Variants in MED27 observed in about 807,000 individuals in gnomAD.
MED27 encodes the protein mediator of RNA polymerase II transcription subunit 27.
Under a neutral mutation model 38.2 loss-of-function variants are expected in MED27, and 30 were observed. That is an observed-to-expected ratio of 0.79 (90% confidence interval 0.59 to 1.07). The LOEUF (loss-of-function observed/expected upper bound fraction) is 1.07. MED27 is among the 50% of genes least tolerant of loss of function. MED27 has a pLI of 0.00. For missense variants in MED27, 289 were observed against 397.5 expected, an observed-to-expected ratio of 0.73 and a Z score of 2.32; for synonymous variants, 122 against 153.5, an observed-to-expected ratio of 0.79 and a Z score of 1.52.
intron 2 of MED27, among the ~76,000 whole-genome samples, chr9:132,068,392 C>T (rs10120330): frequency 0.031 from 4,766 of 152,168 alleles, 246 homozygotes; most frequent in African/African-American, 0.11. Flanking sequence ...GAGGAAATCA[C>T]CGAAGAGTGA....
In MED27 at chr9:131,998,322, C is replaced by T. The variant is rs1490146638; in HGVS notation, c.479+16015G>A. On this transcript the variant is annotated intron_variant, in intron 3 of 7. Transcript: ENST00000292035. ...TCCTCCTCCATTGGTCACTTCCTAT[C>T]CTCCAAGAAGGGAAGACAGTGGTAG... Among the ~76,000 whole-genome samples, 5 of 150,842 alleles carry T rather than the reference C, an allele frequency of 3.3e-5. 1 individual carries two copies. The South Asian group carries it at 1.1e-3, about 32-fold the overall frequency.
At position 132,051,396 on chromosome 9, in the gene MED27, G is replaced by C. The variant is rs1167212421; in HGVS notation, c.348+26046C>G. The stretch of plus-strand genomic sequence containing the variant: ...CTACGTTGGGGAAAAAAGAGGGCTT[G>C]TCTTGGCCACAGAGTCCAAGGCTCC... On this transcript the variant is annotated intron_variant, in intron 2 of 7. Transcript: ENST00000292035. This position sits in a 1 kb window ranked among gnomAD's most constrained non-coding sequence, Gnocchi z 4.2. Among the ~76,000 whole-genome samples the C allele has an allele frequency of 1.3e-5, 2 of 152,180 alleles. No individual in the cohort carries two copies. The highest frequency in any genetic ancestry group is 4.1e-4 in the South Asian group (2 of 4,826).
chr9:131,978,261 A>G (rs1831652203), intron 3 of MED27, among the ~76,000 whole-genome samples: 1 of 152,236 alleles, frequency 6.6e-6, no homozygotes, highest in African/African-American at 2.4e-5. Flanking sequence ...GGGGAAAAAA[A>G]GGGAGATGTG....
intron 3 of MED27, among the ~76,000 whole-genome samples, chr9:132,007,508 A>G (rs1007359254): frequency 6.6e-6 from 1 of 152,344 alleles, no homozygotes. Flanking sequence ...AAGCTAAGGT[A>G]TAAGTATAGA....
intron 2 of MED27, among the ~76,000 whole-genome samples, chr9:132,027,020 G>A (rs1006563443): frequency 6.6e-6 from 1 of 152,178 alleles, no homozygotes; most frequent in African/African-American, 2.4e-5. Flanking sequence ...GCCTCTCCAG[G>A]ACTTAGCAGG....
At chr9:131,890,802 T>C (rs550631714) in intron 5 of MED27, among the ~76,000 whole-genome samples, 46 of 152,298 alleles carry the variant, frequency 3.0e-4, no homozygotes, top group Non-Finnish European at 5.0e-4. Context: ...AGTTTCTCCA[T>C]GTGTAAGATG....
chr9:132,006,200 G>A lies in MED27; in HGVS notation c.479+8137C>T, dbSNP rs58291338. 5.2e-3 allele frequency among the ~76,000 whole-genome samples: 794 copies of A among 152,220 alleles called. 3 individuals are homozygous for A. The highest frequency in any genetic ancestry group is 0.017 in the African/African-American group (712 of 41,540). On this transcript the variant is annotated intron_variant, in intron 3 of 7. Transcript: ENST00000292035. Reference sequence around the variant, plus strand: ...TCCTTTGTGGGACATTAAGCCGGGCGACATCTCTGCCCACCAGCCCAAGCT... The same window carrying A: ...TCCTTTGTGGGACATTAAGCCGGGCAACATCTCTGCCCACCAGCCCAAGCT...
intron 4 of MED27, among the ~76,000 whole-genome samples, chr9:131,933,293 C>A (rs1361853617): frequency 6.6e-6 from 1 of 151,884 alleles, no homozygotes; most frequent in Non-Finnish European, 1.5e-5. Context: ...AGAGGGCATC[C>A]AAATTGGAAA....
intron 2 of MED27, among the ~76,000 whole-genome samples, chr9:132,043,761 T>C (rs911391787): frequency 2.6e-5 from 4 of 152,004 alleles, no homozygotes; most frequent in Non-Finnish European, 4.4e-5. Flanking sequence ...TACAGTATAG[T>C]AGAGGTGGAA....
intron 3 of MED27, among the ~76,000 whole-genome samples, chr9:131,967,858 G>A (rs535368341): frequency 2.9e-5 from 4 of 136,530 alleles, no homozygotes; most frequent in Admixed American, 1.6e-4. Context: ...TCGCTCTGCC[G>A]CCCAGGCTGT....
chr9:132,030,284 T>C (rs1355884559), intron 2 of MED27, among the ~76,000 whole-genome samples: 3 of 152,214 alleles, frequency 2.0e-5, no homozygotes, highest in Non-Finnish European at 2.9e-5. Context: ...CTAAGTCTAG[T>C]GGAGTCTCTG....
intron 6 of MED27, among the ~76,000 whole-genome samples, chr9:131,879,741 G>C (rs895414158): frequency 1.3e-5 from 2 of 152,182 alleles, no homozygotes; most frequent in African/African-American, 4.8e-5. Context: ...AGTCGACTTG[G>C]CTGGGTGCAA....
chr9:132,070,677 G>C (rs1252806676), intron 2 of MED27, among the ~76,000 whole-genome samples: 1 of 103,162 alleles, frequency 9.7e-6, no homozygotes, highest in Non-Finnish European at 2.4e-5. Context: ...GTCCCCTTTG[G>C]TGTGCACAAA....
intron 5 of MED27, among the ~76,000 whole-genome samples, chr9:131,893,526 G>A (rs559579110): frequency 2.0e-4 from 31 of 152,218 alleles, no homozygotes; most frequent in African/African-American, 6.0e-4. Context: ...AATTTTCCTC[G>A]TGGTTCTAGG....
chr9:131,960,988 G>A (rs745970842), intron 3 of MED27, among the ~76,000 whole-genome samples: 16 of 152,198 alleles, frequency 1.1e-4, no homozygotes, highest in African/African-American at 3.9e-4. Flanking sequence ...AGAAATGACC[G>A]CCTGTAGAGG....
At chr9:131,947,347 T>A (rs773066841) in intron 3 of MED27, among the ~76,000 whole-genome samples, 1 of 152,230 alleles carries the variant, frequency 6.6e-6, no homozygotes, top group Non-Finnish European at 1.5e-5. Context: ...AATCCCTGCA[T>A]GTGTTTTAGT....
rs61624043 is a variant in MED27 at position 131,881,800 on chromosome 9, CTTTTTTTTT to C, written c.723+2249_723+2257del. The stretch of plus-strand genomic sequence containing the variant: ...CCTCCCTCCCTTCCTTCTTCTTCTT[CTTTTTTTTT>C]TTTTTTTTTTTTTTTGATGTAGTCT... On this transcript the variant is annotated intron_variant, in intron 6 of 7. Transcript: ENST00000292035. Among the ~76,000 whole-genome samples the C allele has an allele frequency of 1.6e-3, 99 of 60,970 alleles. 1 individual carries two copies. The highest frequency in any genetic ancestry group is 5.2e-3 in the African/African-American group (89 of 17,088). The allele number at this position is 60,970 out of a possible 152,430, so 40.0% of individuals were successfully genotyped here. A position where few individuals can be genotyped will look rare whatever the true frequency, so the allele number is the denominator to read the frequency against.
At chr9:131,967,601 C>T (rs1365399205) in intron 3 of MED27, among the ~76,000 whole-genome samples, 1 of 151,834 alleles carries the variant, frequency 6.6e-6, no homozygotes, top group East Asian at 1.9e-4. Context: ...AAGCAATTCT[C>T]CTGCTTCAGC....
intron 4 of MED27, among the ~76,000 whole-genome samples, chr9:131,902,119 G>C (rs993200536): frequency 6.6e-6 from 1 of 152,194 alleles, no homozygotes; most frequent in Admixed American, 6.5e-5. Context: ...CTTGCCGATC[G>C]AGACTCCTGG....
Sources: allele counts gnomAD v4.1 joint callset (sites outside exome capture counted in the v4.1 genomes callset), GRCh38; gene constraint gnomAD v4.1.1; non-coding constraint Gnocchi (gnomAD v3.1); transcripts MANE v1.5; gene names NCBI Gene and HGNC (gene_info 2026-07-23, HGNC 2026-07-21).